BBS1: variants seen among roughly 807,000 people sequenced by gnomAD.
BBS1 encodes the protein BBSome complex member BBS1.
In BBS1, 60 loss-of-function variants were observed where a neutral mutation model predicts 73.9. That is an observed-to-expected ratio of 0.81 (90% CI 0.66 to 1.01). The LOEUF is 1.01. BBS1 is among the 50% of genes least tolerant of loss of function. The probability of loss-of-function intolerance (pLI) is 0.00; values close to 1 mark genes in which losing one functional copy is unlikely to be tolerated. For missense variants in BBS1, 718 were observed against 770.3 expected (o/e 0.93, Z 0.80); for synonymous variants, 283 against 317.4 (o/e 0.89, Z 1.15).
Position 66,519,754 on chromosome 11 carries a change from C to T in BBS1, c.723+6C>T, listed in dbSNP as rs372506294. ...CCTTCACCATTTTAGCCAAGGTCAG[C>T]GTCAGGTCTGGCCCTGGGCCCGCTG... On this transcript the variant is annotated splice_donor_region_variant and intron_variant, in intron 8 of 16. Transcript: ENST00000318312. The T allele has an allele frequency of 5.6e-6, 9 of 1,612,746 alleles. No homozygotes were observed. The highest frequency in any genetic ancestry group is 5.1e-6 in the Non-Finnish European group (6 of 1,179,888).
intron 11 of BBS1, chr11:66,524,236 A>C: frequency 2.8e-6 from 1 of 363,262 alleles, no homozygotes; most frequent in Non-Finnish European, 5.4e-6. Context: ...GCCAAGATCA[A>C]ACCATGGCAC....
intron 1 of BBS1, 67 bp downstream of exon 1, chr11:66,510,773 T>A: frequency 6.3e-7 from 1 of 1,599,492 alleles, no homozygotes; most frequent in Non-Finnish European, 8.6e-7. Context: ...GTCCCCGGGC[T>A]CTGGGCTCCT....
chr11:66,532,231 A>C lies in BBS1; in HGVS notation c.*194A>C. ...GTTAGTGAGTACCTAGGGCGGCTCA[A>C]CTCCTCCCACAGCACCAACCCAGCA... On this transcript the variant is annotated 3_prime_UTR_variant, in exon 17 of 17. Transcript: ENST00000318312. The C allele has an allele frequency of 3.3e-6, 2 of 606,172 alleles. No homozygotes were observed. Among genetic ancestry groups the C allele is most frequent in the East Asian group, 2.8e-5 (1 of 35,580 alleles). The allele number at this position is 606,172 out of a possible 1,614,324, so 37.5% of individuals were successfully genotyped here.
rs760009418 is a variant in BBS1, at chr11:66,511,002, C to T, written c.48-11C>T. Reference sequence around the variant, plus strand: ...GGACTCACTCCCCAACTGTCTTTCCCCCACTTCCAGCAATGAGGCCAATTC... The same window carrying T: ...GGACTCACTCCCCAACTGTCTTTCCTCCACTTCCAGCAATGAGGCCAATTC... On this transcript the variant is annotated splice_polypyrimidine_tract_variant and intron_variant, in intron 1 of 16. Transcript: ENST00000318312. 3.2e-5 allele frequency: 51 copies of T among 1,613,942 alleles called. No homozygotes were observed. Among genetic ancestry groups the T allele is most frequent in the Middle Eastern group, 1.6e-4 (1 of 6,082 alleles).
At chr11:66,523,413 G>A (rs1458561855) in intron 9 of BBS1, 43 bp from the exon 10 acceptor site, 5 of 1,614,086 alleles carry the variant, frequency 3.1e-6, no homozygotes, top group South Asian at 1.1e-5. Context: ...TAGAAGTGGA[G>A]AGGATTTCTC....
At chr11:66,524,645 T>G (rs151136668) in intron 11 of BBS1, among the ~76,000 whole-genome samples, 9 of 152,340 alleles carry the variant, frequency 5.9e-5, no homozygotes, top group Admixed American at 4.6e-4. Flanking sequence ...GGCTCTTGAT[T>G]AAGGAATCCA....
chr11:66,512,895 C>A (rs1161564754), intron 3 of BBS1, among the ~76,000 whole-genome samples: 1 of 151,970 alleles, frequency 6.6e-6, no homozygotes, highest in African/African-American at 2.4e-5. Context: ...TGGCTTGAAA[C>A]CAGAAGGCGG....
At chr11:66,520,280 CTTTTG>C (rs1856164098) in intron 8 of BBS1, 1 of 157,204 alleles carries the variant, frequency 6.4e-6, no homozygotes, top group Non-Finnish European at 1.4e-5. Context: ...CTTTTATTTT[CTTTTG>C]TTTTGTTTTT....
At chr11:66,531,883 G>T in intron 16 of BBS1, 68 bp from the exon 17 acceptor site, 1 of 1,581,992 alleles carries the variant, frequency 6.3e-7, no homozygotes. Flanking sequence ...CCTGTCATTA[G>T]GGCCAGCGCA....
At position 66,511,211 on chromosome 11, in the gene BBS1, C is replaced by G; in HGVS notation, c.131C>G (p.Ala44Gly). Residue 44 changes from alanine (A) to glycine (G), a missense_variant, in exon 3 of 17, where the codon GCA (alanine) becomes GGA (glycine). Coordinates refer to ENST00000318312, the MANE Select transcript of BBS1 (RefSeq NM_024649.5). ...TGGCCCTTTTGTTTTCCAGCGCTGG[C>G]AGATTTACATGGGGATGGGGAATAC... is the stretch of plus-strand genomic sequence containing the variant. ...IHTFSACLAL[A>G]DLHGDGEYKL... The G allele has an allele frequency of 6.2e-7, 1 of 1,614,052 alleles. No individual in the cohort carries two copies.
chr11:66,528,511 A>T (rs1856615643), intron 13 of BBS1, among the ~76,000 whole-genome samples: 1 of 152,202 alleles, frequency 6.6e-6, no homozygotes, highest in Non-Finnish European at 1.5e-5. Context: ...TGTGGTGTGG[A>T]TGCAGAAATA....
chr11:66,521,734 C>T (rs1315326237), intron 9 of BBS1: 18 of 321,814 alleles, frequency 5.6e-5, no homozygotes, highest in Admixed American at 5.5e-4. Flanking sequence ...GGTGAAACCC[C>T]GTCTCTACTA....
intron 2 of BBS1, 27 bp from the exon 3 acceptor site, chr11:66,511,178 T>C: frequency 1.2e-6 from 2 of 1,614,108 alleles, no homozygotes; most frequent in East Asian, 2.2e-5. Context: ...ATTCTGAGAC[T>C]CTGGTTTTGG....
chr11:66,527,567 G>A (rs1321618298), intron 13 of BBS1: 1 of 158,832 alleles, frequency 6.3e-6, no homozygotes. Flanking sequence ...TACTTGGGAG[G>A]CTGAGGCAGA....
chr11:66,524,293 A>T, intron 11 of BBS1: 1 of 331,082 alleles, frequency 3.0e-6, no homozygotes, highest in Non-Finnish European at 5.9e-6. Flanking sequence ...AAAAAAAAAA[A>T]TGTGTTGAGC....
At chr11:66,519,796 T>C in intron 8 of BBS1, 48 bp downstream of exon 8, 1 of 1,607,692 alleles carries the variant, frequency 6.2e-7, no homozygotes, top group South Asian at 1.1e-5. Context: ...CAGGCTGCAT[T>C]CTCTCCCCAT....
chr11:66,522,141 T>C (rs1404375837), intron 9 of BBS1, among the ~76,000 whole-genome samples: 2 of 145,386 alleles, frequency 1.4e-5, no homozygotes, highest in Non-Finnish European at 3.0e-5. Flanking sequence ...GGCGTGAACC[T>C]GGGAGGTGGA....
rs142243239 is a variant in BBS1 at position 66,524,434 on chromosome 11, G to A, written c.1110+552G>A. Among the ~76,000 whole-genome samples, 9 of 152,026 alleles carry A rather than the reference G, an allele frequency of 5.9e-5. No homozygotes were observed. In the East Asian group the frequency reaches 1.5e-3, roughly 26 times the overall value. On this transcript the variant is annotated intron_variant, in intron 11 of 16. Coordinates refer to ENST00000318312, the MANE Select transcript of BBS1 (RefSeq NM_024649.5). ...CATAGCAAATTTAAAAGGGCCGACT[G>A]AAGCAGAGCAAAGTGCTAAAAAGCG... is the stretch of plus-strand genomic sequence containing the variant.
intron 13 of BBS1, among the ~76,000 whole-genome samples, chr11:66,527,950 G>A (rs1430671871): frequency 3.3e-5 from 5 of 152,136 alleles, no homozygotes; most frequent in Admixed American, 2.0e-4. Flanking sequence ...AAGAAAGCAG[G>A]CCCGGTTCGG....
Sources: allele counts gnomAD v4.1 joint callset (sites outside exome capture counted in the v4.1 genomes callset), GRCh38; gene constraint gnomAD v4.1.1; transcripts MANE v1.5; gene names NCBI Gene and HGNC (gene_info 2026-07-23, HGNC 2026-07-21).